WFS1: variants seen among roughly 807,000 people sequenced by gnomAD.
WFS1 encodes the protein wolframin ER transmembrane glycoprotein.
WFS1 carries 90 observed loss-of-function variants against 68.5 expected under a neutral mutation model. The ratio of observed to expected loss-of-function variants is 1.31; its 90% confidence interval spans 1.11 to 1.56. WFS1 has a LOEUF of 1.56. WFS1 is among the 40% of genes most tolerant of loss of function. The pLI, the probability that WFS1 is intolerant of heterozygous loss-of-function variation, is 0.00. For missense variants in WFS1, 1,767 were observed against 1,232.6 expected (o/e 1.43, Z -6.49); for synonymous variants, 860 against 540.7 (o/e 1.59, Z -8.19).
At chr4:6,277,389 C>A (rs1560401464) in intron 1 of WFS1, 62 bp from the exon 2 acceptor site, 2 of 1,472,758 alleles carry the variant, frequency 1.4e-6, no homozygotes, top group African/African-American at 1.4e-5. Context: ...CTCCAGCAGA[C>A]ACTAAGTGCC....
chr4:6,280,365 C>T (rs1324967656), intron 2 of WFS1, among the ~76,000 whole-genome samples: 45 of 152,210 alleles, frequency 3.0e-4, no homozygotes, highest in Non-Finnish European at 5.9e-5. Context: ...CTGTGATCAC[C>T]TCAGTGTTGT....
chr4:6,271,092 C>T (rs1358391369), intron 1 of WFS1, among the ~76,000 whole-genome samples: 26 of 152,362 alleles, frequency 1.7e-4, no homozygotes, highest in South Asian at 2.1e-4. Context: ...ACCCCATGTG[C>T]TGGCTGCCTG....
In WFS1 at chr4:6,269,894, T is replaced by C. The variant is rs912654930; in HGVS notation, c.-126T>C. On this transcript the variant is annotated 5_prime_UTR_variant, in exon 1 of 8. Coordinates refer to ENST00000226760, the MANE Select transcript of WFS1 (RefSeq NM_006005.3). ...CCGGCTCTTCAGCAGCGAGTGCAGA[T>C]TGCTCCCCCGCGGCCGCAGATCTCC... The C allele has an allele frequency of 6.6e-6, 1 of 152,170 alleles. No homozygotes were observed. Among genetic ancestry groups the C allele is most frequent in the Non-Finnish European group, 1.5e-5 (1 of 68,014 alleles). 9.4% of individuals were successfully genotyped at this position (152,170 alleles called of 1,614,324 possible). A position where few individuals can be genotyped will look rare whatever the true frequency, so the allele number is the denominator to read the frequency against.
chr4:6,297,916 G>C (rs947227524), intron 7 of WFS1, among the ~76,000 whole-genome samples: 3 of 152,140 alleles, frequency 2.0e-5, no homozygotes, highest in Non-Finnish European at 4.4e-5. Context: ...GAGTTCAGGT[G>C]GGGGACCAGC....
chr4:6,300,895 A>G lies in WFS1; in HGVS notation c.1100A>G (p.Asp367Gly), dbSNP rs771498413. Reference sequence around the variant, plus strand: ...ATCTGCACCCTCAAGGTGTTCCAGGACAGCAAGGCCTGGGAGAACTTCCGC... The same window carrying G: ...ATCTGCACCCTCAAGGTGTTCCAGGGCAGCAAGGCCTGGGAGAACTTCCGC... The part of the protein sequence containing the change: ...MVICTLKVFQ[D>G]SKAWENFRTL... The change falls in exon 8 of 8, where the codon GAC becomes GGC. Residue 367 changes from aspartate to glycine, a missense_variant. Transcript: ENST00000226760. The G allele has an allele frequency of 9.3e-6, 15 of 1,614,090 alleles. No individual in the cohort carries two copies. Among genetic ancestry groups the G allele is most frequent in the Non-Finnish European group, 1.3e-5 (15 of 1,180,004 alleles).
intron 6 of WFS1, among the ~76,000 whole-genome samples, chr4:6,293,580 C>T (rs1730530253): frequency 6.6e-6 from 1 of 152,152 alleles, no homozygotes; most frequent in Non-Finnish European, 1.5e-5. Context: ...CTGTCAGCAG[C>T]GTGGGCAGAG....
chr4:6,270,591 C>T (rs1170554212), intron 1 of WFS1, among the ~76,000 whole-genome samples: 3 of 152,184 alleles, frequency 2.0e-5, no homozygotes, highest in Admixed American at 6.5e-5. Context: ...TCTCGGGGCC[C>T]CTCAGTAGAG....
At chr4:6,281,510 G>C (rs529676638) in intron 2 of WFS1, among the ~76,000 whole-genome samples, 1 of 152,348 alleles carries the variant, frequency 6.6e-6, no homozygotes, top group Admixed American at 6.5e-5. Context: ...CAAGAAGGCT[G>C]AGGGACAGGT....
At chr4:6,274,832 ATGGCG>A (rs150672184) in intron 1 of WFS1, among the ~76,000 whole-genome samples, 87,875 of 129,838 alleles carry the variant, frequency 0.68, 26,231 homozygotes, top group East Asian at 0.93. Context: ...GTGCAGTGGC[ATGGCG>A]GTCTGATTTC....
Position 6,301,323 on chromosome 4 carries a change from T to G in WFS1, c.1528T>G (p.Tyr510Asp). The G allele has an allele frequency of 6.2e-7, 1 of 1,611,734 alleles. No homozygotes were observed. Among genetic ancestry groups the G allele is most frequent in the Non-Finnish European group, 8.5e-7 (1 of 1,179,912 alleles). The change falls in exon 8 of 8, where the codon TAC (tyrosine) becomes GAC (aspartate). Residue 510 changes from tyrosine to aspartate, a missense_variant. Coordinates refer to ENST00000226760, the MANE Select transcript of WFS1 (RefSeq NM_006005.3). ...CAGCGTCCCGTGCCTGCTCTATGTC[T>G]ACCTGCTCTATCTCTTCTTCCGCAT... is the stretch of plus-strand genomic sequence containing the variant. Reference protein sequence around the residue: ...NVSVPCLLYVYLLYLFFRMAQ... With the variant: ...NVSVPCLLYVDLLYLFFRMAQ...
intron 3 of WFS1, among the ~76,000 whole-genome samples, chr4:6,288,051 C>T (rs1326375857): frequency 1.3e-5 from 2 of 152,040 alleles, no homozygotes; most frequent in African/African-American, 4.8e-5. Context: ...ACCGTGTCTC[C>T]ACTACAAATA....
chr4:6,294,488 C>T (rs1213898757), intron 6 of WFS1, among the ~76,000 whole-genome samples: 5 of 148,840 alleles, frequency 3.4e-5, no homozygotes, highest in Non-Finnish European at 6.1e-5. Flanking sequence ...TCAGCAGGCA[C>T]ATAGTAGGTG....
chr4:6,279,793 G>A (rs1279298890), intron 2 of WFS1, among the ~76,000 whole-genome samples: 11 of 152,220 alleles, frequency 7.2e-5, no homozygotes, highest in East Asian at 1.9e-4. Flanking sequence ...AGGCATCGTC[G>A]GAGCCCCATC....
Position 6,277,482 on chromosome 4 carries a change from C to A in WFS1, c.27C>A (p.Gly9=), listed in dbSNP as rs772853636. 6.4e-7 allele frequency: 1 copy of A among 1,560,696 alleles called. No individual in the cohort carries two copies. The highest frequency in any genetic ancestry group is 1.9e-5 in the Admixed American group (1 of 52,246). Residue 9 remains glycine (G), a synonymous_variant, in exon 2 of 8, where the codon GGC becomes GGA. Transcript: ENST00000226760. The part of the protein sequence containing the change: MDSNTAPL[G]PSCPQPPPAP... ...TGGACTCCAACACTGCTCCGCTGGG[C>A]CCCTCCTGCCCACAGCCCCCGCCAG... is the stretch of plus-strand genomic sequence containing the variant.
At chr4:6,284,633 G>A (rs1378583498) in intron 2 of WFS1, among the ~76,000 whole-genome samples, 1 of 151,890 alleles carries the variant, frequency 6.6e-6, no homozygotes, top group Non-Finnish European at 1.5e-5. Flanking sequence ...CAACAGCCCT[G>A]GGGTCTCCTG....
Position 6,302,755 on chromosome 4 carries a change from C to G in WFS1, c.*287C>G. 3.7e-6 allele frequency: 2 copies of G among 537,962 alleles called. No individual in the cohort carries two copies. Among genetic ancestry groups the G allele is most frequent in the Non-Finnish European group, 3.3e-6 (1 of 304,152 alleles). 33.3% of individuals were successfully genotyped at this position (537,962 alleles called of 1,614,324 possible). Reference sequence around the variant, plus strand: ...GTGTGCCAGGCTAGACTAGGAGGTTCCGGTGTCTGGAAAAGCACTTTACAG... The same window carrying G: ...GTGTGCCAGGCTAGACTAGGAGGTTGCGGTGTCTGGAAAAGCACTTTACAG... On this transcript the variant is annotated 3_prime_UTR_variant, in exon 8 of 8. Transcript: ENST00000226760.
chr4:6,281,887 C>G (rs942568890), intron 2 of WFS1, among the ~76,000 whole-genome samples: 13 of 152,368 alleles, frequency 8.5e-5, no homozygotes, highest in African/African-American at 2.9e-4. Flanking sequence ...TCTGGTGGCA[C>G]TCAGTCTTCT....
At chr4:6,276,108 A>G (rs1729987237) in intron 1 of WFS1, among the ~76,000 whole-genome samples, 1 of 152,224 alleles carries the variant, frequency 6.6e-6, no homozygotes, top group African/African-American at 2.4e-5. Flanking sequence ...TGTGCCTCAG[A>G]GGATGGCTGT....
At chr4:6,285,342 A>T (rs771618511) in intron 2 of WFS1, among the ~76,000 whole-genome samples, 7 of 141,144 alleles carry the variant, frequency 5.0e-5, no homozygotes, top group Non-Finnish European at 1.1e-4. Flanking sequence ...CCTGTCAGGG[A>T]GGGTGGTGTC....
Sources: gnomAD v4.1 joint callset for allele counts (sites outside exome capture counted in the v4.1 genomes callset) on GRCh38, gnomAD v4.1.1 for gene constraint, MANE v1.5 for transcripts, NCBI Gene and HGNC (gene_info 2026-07-23, HGNC 2026-07-21) for gene names.